Variants in CHCHD7 observed in about 807,000 individuals in gnomAD.
The protein encoded by CHCHD7 is coiled-coil-helix-coiled-coil-helix domain containing 7, also known as coiled-coil-helix-coiled-coil-helix domain-containing protein 7.
A neutral mutation model predicts 10.5 loss-of-function variants in CHCHD7; 7 were observed. The ratio of observed to expected loss-of-function variants is 0.67; its 90% confidence interval spans 0.38 to 1.25. The LOEUF (loss-of-function observed/expected upper bound fraction) is 1.25, where lower values mean the gene tolerates loss of function less well. Ranked by LOEUF, CHCHD7 falls within the 50% of genes most tolerant of loss-of-function variation. The pLI, the probability that CHCHD7 is intolerant of heterozygous loss-of-function variation, is 0.02. For synonymous variants in CHCHD7, 40 were observed against 36.0 expected (o/e 1.11, Z -0.40); for missense variants, 100 against 104.5 (o/e 0.96, Z 0.19).
Position 56,214,667 on chromosome 8 carries a change from G to C in CHCHD7, c.54G>C (p.Ser18=). The change falls in exon 2 of 4, where the codon TCG becomes TCC. Residue 18 remains serine (S), a splice_region_variant and synonymous_variant. Coordinates refer to ENST00000355315, the MANE Select transcript of CHCHD7 (RefSeq NM_001011671.3). ...ATCCTGACATAAATCCTTGTTTGTCGGTAGGATGGTTTGCTTTAATTTTCA... is the reference window on the plus strand; with the variant it reads ...ATCCTGACATAAATCCTTGTTTGTCCGTAGGATGGTTTGCTTTAATTTTCA... ...LRDPDINPCL[S]ESDASTRCLD... 6.2e-7 allele frequency: 1 copy of C among 1,612,532 alleles called. No homozygotes were observed. The highest frequency in any genetic ancestry group is 1.7e-5 in the Admixed American group (1 of 60,012).
rs1813422915 is a variant in CHCHD7 at position 56,217,454 on chromosome 8, T to C, written c.*19T>C. 1 of 1,340,728 alleles carries C rather than the reference T, an allele frequency of 7.5e-7. No homozygotes were observed. The allele number at this position is 1,340,728 out of a possible 1,614,324, so 83.1% of individuals were successfully genotyped here. On this transcript the variant is annotated 3_prime_UTR_variant, in exon 4 of 4. Coordinates refer to ENST00000355315, the MANE Select transcript of CHCHD7 (RefSeq NM_001011671.3). ...CTATTGAATGTTTGCATTAAAAGTG[T>C]TTATATAACTTAGAAGCAGATGAAT...
At chr8:56,216,808 A>G in intron 3 of CHCHD7, 1 of 685,384 alleles carries the variant, frequency 1.5e-6, no homozygotes, top group South Asian at 1.5e-5. Context: ...TGTCTTTGTT[A>G]TAAATTTAGT....
chr8:56,215,753 C>G (rs1813312992), intron 2 of CHCHD7, among the ~76,000 whole-genome samples: 1 of 152,178 alleles, frequency 6.6e-6, no homozygotes, highest in Admixed American at 6.5e-5. Context: ...ATACCTTTCA[C>G]TTTTAAGTTT....
At chr8:56,217,252 C>A in intron 3 of CHCHD7, 79 bp from the exon 4 acceptor site, 5 of 800,996 alleles carry the variant, frequency 6.2e-6, no homozygotes, top group South Asian at 2.0e-5. Context: ...GAAGCAATAG[C>A]AAATTACTGG....
At chr8:56,216,559 T>G in intron 3 of CHCHD7, 28 bp downstream of exon 3, 1 of 1,613,548 alleles carries the variant, frequency 6.2e-7, no homozygotes, top group East Asian at 2.2e-5. Context: ...AGCTTTGTGT[T>G]AAAACCCATC....
rs1813500419 is a variant in CHCHD7 at position 56,218,695 on chromosome 8, G to GT, written c.*1261dup. The GT allele has an allele frequency of 5.0e-6, 1 of 200,998 alleles. No homozygotes were observed. Among genetic ancestry groups the GT allele is most frequent in the Non-Finnish European group, 1.0e-5 (1 of 97,750 alleles). The allele number at this position is 200,998 out of a possible 1,614,324, so 12.5% of individuals were successfully genotyped here. ...CAGAAAAGAATGAATGCCTACCTGT[G>GT]TAAGAAGTATTTTTGTATTTTTAAG... is the stretch of plus-strand genomic sequence containing the variant. On this transcript the variant is annotated 3_prime_UTR_variant, in exon 4 of 4. Coordinates refer to ENST00000355315, the MANE Select transcript of CHCHD7 (RefSeq NM_001011671.3).
chr8:56,216,797 A>T, intron 3 of CHCHD7: 1 of 689,960 alleles, frequency 1.4e-6, no homozygotes, highest in Admixed American at 2.1e-5. Flanking sequence ...CCCTAAAACA[A>T]TGTCTTTGTT....
At chr8:56,212,724 C>T (rs1188896662) in intron 1 of CHCHD7, 6 of 660,894 alleles carry the variant, frequency 9.1e-6, no homozygotes, top group Non-Finnish European at 1.6e-5. Flanking sequence ...TTCAGCCCCG[C>T]TCCTCACTGT....
intron 3 of CHCHD7, 74 bp downstream of exon 3, chr8:56,216,605 TACCC>T: frequency 6.8e-7 from 1 of 1,477,118 alleles, no homozygotes; most frequent in South Asian, 1.1e-5. Flanking sequence ...AATTAGTCAG[TACCC>T]ACAATCCTTT....
At position 56,217,463 on chromosome 8, in the gene CHCHD7, C is replaced by A; in HGVS notation, c.*28C>A. The A allele has an allele frequency of 7.9e-7, 1 of 1,269,146 alleles. No individual in the cohort carries two copies. The highest frequency in any genetic ancestry group is 1.2e-6 in the Non-Finnish European group (1 of 868,218). 78.6% of individuals were successfully genotyped at this position (1,269,146 alleles called of 1,614,324 possible). On this transcript the variant is annotated 3_prime_UTR_variant, in exon 4 of 4. Coordinates refer to ENST00000355315, the MANE Select transcript of CHCHD7 (RefSeq NM_001011671.3). Reference sequence around the variant, plus strand: ...GTTTGCATTAAAAGTGTTTATATAACTTAGAAGCAGATGAATATTTCTAAT... The same window carrying A: ...GTTTGCATTAAAAGTGTTTATATAAATTAGAAGCAGATGAATATTTCTAAT...
Position 56,216,880 on chromosome 8 carries a change from A to G in CHCHD7, c.153+349A>G, listed in dbSNP as rs531138672. ...TCATAACACATCATGTTAGGCTTCA[A>G]TTTCTGCCTTTTTCTCTCTCACTGC... On this transcript the variant is annotated intron_variant, in intron 3 of 3. Transcript: ENST00000355315. 32 of 536,634 alleles carry G rather than the reference A, an allele frequency of 6.0e-5. No homozygotes were observed. The East Asian group carries it at 9.5e-4, about 16-fold the overall frequency. The allele number at this position is 536,634 out of a possible 1,614,324, so 33.2% of individuals were successfully genotyped here. A position where few individuals can be genotyped will look rare whatever the true frequency, so the allele number is the denominator to read the frequency against.
At chr8:56,217,233 C>A in intron 3 of CHCHD7, 98 bp from the exon 4 acceptor site, 1 of 648,750 alleles carries the variant, frequency 1.5e-6, no homozygotes, top group Non-Finnish European at 2.5e-6. Context: ...TTAGAATTTC[C>A]TTTTTGAGGA....
At chr8:56,214,428 G>A (rs1813216341) in intron 1 of CHCHD7, 170 bp from the exon 2 acceptor site, 1 of 510,574 alleles carries the variant, frequency 2.0e-6, no homozygotes, top group Admixed American at 3.2e-5. Flanking sequence ...CAATACAAAG[G>A]AAAAACACGT....
intron 2 of CHCHD7, 106 bp from the exon 3 acceptor site, chr8:56,216,327 A>G: frequency 6.6e-7 from 1 of 1,514,270 alleles, no homozygotes. Flanking sequence ...ACACAAATGA[A>G]CTATTTCACA....
At chr8:56,212,615 C>G (rs1813071340) in intron 1 of CHCHD7, 1 of 414,036 alleles carries the variant, frequency 2.4e-6, no homozygotes, top group Non-Finnish European at 4.3e-6. Context: ...GTTTTTCTTT[C>G]TGGTTATGCT....
chr8:56,212,959 A>G (rs1813105319), intron 1 of CHCHD7: 2 of 1,165,082 alleles, frequency 1.7e-6, no homozygotes, highest in Non-Finnish European at 2.6e-6. Flanking sequence ...AGAGTAGGAT[A>G]CTTTCATGTA....
chr8:56,214,720 C>T (rs891861033), intron 2 of CHCHD7, 53 bp downstream of exon 2: 117 of 1,441,770 alleles, frequency 8.1e-5, no homozygotes, highest in Non-Finnish European at 1.9e-5. Context: ...AAACAGGCTG[C>T]TCTAGTTTTG....
rs1470370085 is a variant in CHCHD7, at chr8:56,214,637, G to T, written c.24G>T (p.Leu8=). 6.2e-7 allele frequency: 1 copy of T among 1,613,552 alleles called. No homozygotes were observed. Among genetic ancestry groups the T allele is most frequent in the Admixed American group, 1.7e-5 (1 of 60,014 alleles). MPSVTQR[L]RDPDINPCLS... ...GAATGCCCTCGGTAACACAGAGGCT[G>T]AGAGATCCTGACATAAATCCTTGTT... Residue 8 remains leucine (L), a synonymous_variant, in exon 2 of 4, where the codon CTG becomes CTT. Coordinates refer to ENST00000355315, the MANE Select transcript of CHCHD7 (RefSeq NM_001011671.3).
At chr8:56,216,884 C>T in intron 3 of CHCHD7, 3 of 527,490 alleles carry the variant, frequency 5.7e-6, no homozygotes, top group Non-Finnish European at 1.0e-5. Context: ...GCTTCAATTT[C>T]TGCCTTTTTC....
Sources: allele counts gnomAD v4.1 joint callset (sites outside exome capture counted in the v4.1 genomes callset), GRCh38; gene constraint gnomAD v4.1.1; transcripts MANE v1.5; gene names NCBI Gene and HGNC (gene_info 2026-07-23, HGNC 2026-07-21).